Variants in CCND2 observed in about 807,000 individuals in gnomAD.
CCND2 encodes cyclin D2.
In CCND2, 6 loss-of-function variants were observed where a neutral mutation model predicts 30.2. That is an observed-to-expected ratio of 0.20 (90% CI 0.11 to 0.39). The LOEUF (loss-of-function observed/expected upper bound fraction) is 0.39. CCND2 is among the 10% of genes least tolerant of loss of function. The probability of loss-of-function intolerance (pLI) is 1.00; values close to 1 mark genes in which losing one functional copy is unlikely to be tolerated. For synonymous variants in CCND2, 150 were observed against 153.1 expected (o/e 0.98, Z 0.15); for missense variants, 235 against 373.4 (o/e 0.63, Z 3.06).
chr12:4,281,969 G>A (rs1863954071), intron 3 of CCND2, among the ~76,000 whole-genome samples: 1 of 151,840 alleles, frequency 6.6e-6, no homozygotes, highest in Admixed American at 6.6e-5. Flanking sequence ...TTGGGCGGGG[G>A]ATCTTCCTGA....
In CCND2 at chr12:4,299,748, C is replaced by T; in HGVS notation, c.721-112C>T. The stretch of plus-strand genomic sequence containing the variant: ...TCCCTCCTTTACTTCACATTTATTT[C>T]TACTGGAAACTAGCACAGACTTATG... On this transcript the variant is annotated intron_variant, in intron 4 of 4. Transcript: ENST00000261254. The surrounding 1 kb of genome is among the most constrained non-coding windows in gnomAD (Gnocchi z 5.2). 1 of 1,057,510 alleles carries T rather than the reference C, an allele frequency of 9.5e-7. No homozygotes were observed. Among genetic ancestry groups the T allele is most frequent in the East Asian group, 2.4e-5 (1 of 40,834 alleles). 65.5% of individuals were successfully genotyped at this position (1,057,510 alleles called of 1,614,324 possible).
rs1864009269 is a variant in CCND2, at chr12:4,285,403, A to C, written c.572-3439A>C. The stretch of plus-strand genomic sequence containing the variant: ...TATTGCTTGTTGGCATTTTTGATCA[A>C]GAGACTTAACAGACTGCTGAGAAAT... On this transcript the variant is annotated intron_variant, in intron 3 of 4. Coordinates refer to ENST00000261254, the MANE Select transcript of CCND2 (RefSeq NM_001759.4). This position sits in a 1 kb window ranked among gnomAD's most constrained non-coding sequence, Gnocchi z 4.1. The C allele has an allele frequency of 1.0e-6, 1 of 985,326 alleles. No individual in the cohort carries two copies. The highest frequency in any genetic ancestry group is 1.7e-5 in the African/African-American group (1 of 57,242). The allele number at this position is 985,326 out of a possible 1,614,324, so 61.0% of individuals were successfully genotyped here.
At position 4,274,239 on chromosome 12, in the gene CCND2, G is replaced by A. The variant is rs1863828389; in HGVS notation, c.195+4G>A. ...GGTGGCCACCTGGATGCTGGAGGTA[G>A]GTCGGGGGGTGGCGCTCGCCAGGAG... On this transcript the variant is annotated splice_donor_region_variant and intron_variant, in intron 1 of 4. Transcript: ENST00000261254. This position sits in a 1 kb window ranked among gnomAD's most constrained non-coding sequence, Gnocchi z 7.7. The A allele has an allele frequency of 1.2e-6, 2 of 1,613,408 alleles. No individual in the cohort carries two copies. The highest frequency in any genetic ancestry group is 1.3e-5 in the African/African-American group (1 of 75,052).
rs1423117437 is a variant in CCND2 at position 4,287,583 on chromosome 12, A to G, written c.572-1259A>G. Among the ~76,000 whole-genome samples, 1 of 152,202 alleles carries G rather than the reference A, an allele frequency of 6.6e-6. No individual in the cohort carries two copies. The highest frequency in any genetic ancestry group is 6.5e-5 in the Admixed American group (1 of 15,286). The stretch of plus-strand genomic sequence containing the variant: ...GCACTCCAGGACCGTCACTAGCGTG[A>G]TGGCTGCAACTATACCCACCCTAAT... On this transcript the variant is annotated intron_variant, in intron 3 of 4. Transcript: ENST00000261254. This position sits in a 1 kb window ranked among gnomAD's most constrained non-coding sequence, Gnocchi z 4.0.
chr12:4,280,549 C>T (rs1591645457), intron 3 of CCND2, among the ~76,000 whole-genome samples: 1 of 152,168 alleles, frequency 6.6e-6, no homozygotes, highest in Admixed American at 6.5e-5. Context: ...TGGACCCCTG[C>T]TGCCTTTTGG....
chr12:4,297,590 A>C (rs1228044763), intron 4 of CCND2, among the ~76,000 whole-genome samples: 1 of 150,822 alleles, frequency 6.6e-6, no homozygotes, highest in Non-Finnish European at 1.5e-5. Context: ...AAAAAAAAAA[A>C]AAAAAAACAG....
intron 3 of CCND2, among the ~76,000 whole-genome samples, chr12:4,286,729 G>A (rs573602342): frequency 6.6e-6 from 1 of 152,254 alleles, no homozygotes; most frequent in Non-Finnish European, 1.5e-5. Flanking sequence ...CGGTGCACCT[G>A]TTCCCCCTAT....
intron 4 of CCND2, among the ~76,000 whole-genome samples, chr12:4,294,899 G>C (rs1239701060): frequency 6.6e-6 from 1 of 152,190 alleles, no homozygotes; most frequent in Non-Finnish European, 1.5e-5. Context: ...TGGATTTAAG[G>C]TGGAGGTCTT....
At chr12:4,291,748 C>T (rs945290013) in intron 4 of CCND2, among the ~76,000 whole-genome samples, 2 of 152,172 alleles carry the variant, frequency 1.3e-5, no homozygotes, top group East Asian at 1.9e-4. Flanking sequence ...TGTATGGGCA[C>T]GCAATGGAAT....
chr12:4,274,278 G>C lies in CCND2; in HGVS notation c.195+43G>C, dbSNP rs750498163. ...GCTCGCCAGGAGCCAGGACCCCTCC[G>C]GATGCTCGGGTCCCCGGCCGGAGCC... On this transcript the variant is annotated intron_variant, in intron 1 of 4. Coordinates refer to ENST00000261254, the MANE Select transcript of CCND2 (RefSeq NM_001759.4). The surrounding 1 kb of genome is among the most constrained non-coding windows in gnomAD (Gnocchi z 7.7). 1 of 1,592,822 alleles carries C rather than the reference G, an allele frequency of 6.3e-7. No individual in the cohort carries two copies.
At chr12:4,277,871 G>A (rs112937086) in intron 2 of CCND2, among the ~76,000 whole-genome samples, 12 of 152,356 alleles carry the variant, frequency 7.9e-5, no homozygotes, top group East Asian at 1.9e-4. Context: ...TAGCACATAC[G>A]ATATTTTTAA....
intron 3 of CCND2, among the ~76,000 whole-genome samples, chr12:4,283,702 C>A (rs968588908): frequency 2.0e-4 from 30 of 152,222 alleles, no homozygotes; most frequent in African/African-American, 7.0e-4. Context: ...AAGGTGTGTC[C>A]TTTGCCTCCA....
chr12:4,277,321 G>T (rs1386607270), intron 2 of CCND2, among the ~76,000 whole-genome samples: 1 of 152,232 alleles, frequency 6.6e-6, no homozygotes, highest in African/African-American at 2.4e-5. Context: ...ATTACCCTGT[G>T]AAGAGGAAGG....
At position 4,273,897 on chromosome 12, in the gene CCND2, C is replaced by A. The variant is rs1353351494; in HGVS notation, c.-144C>A. On this transcript the variant is annotated 5_prime_UTR_variant, in exon 1 of 5. Coordinates refer to ENST00000261254, the MANE Select transcript of CCND2 (RefSeq NM_001759.4). This position sits in a 1 kb window ranked among gnomAD's most constrained non-coding sequence, Gnocchi z 5.9. The stretch of plus-strand genomic sequence containing the variant: ...TTCTGCTCCACCTTCTCTCTCTGCC[C>A]TCACCTCTCCCCCGAAAACCCCCTA... The A allele has an allele frequency of 1.3e-6, 1 of 764,086 alleles. No homozygotes were observed. Among genetic ancestry groups the A allele is most frequent in the Non-Finnish European group, 2.1e-6 (1 of 482,966 alleles). 47.3% of individuals were successfully genotyped at this position (764,086 alleles called of 1,614,324 possible). A position where few individuals can be genotyped will look rare whatever the true frequency, so the allele number is the denominator to read the frequency against.
intron 2 of CCND2, among the ~76,000 whole-genome samples, chr12:4,278,410 T>C (rs577962362): frequency 3.3e-5 from 5 of 152,270 alleles, no homozygotes; most frequent in African/African-American, 9.6e-5. Context: ...CCGTATCTCA[T>C]TGTAGGTTCA....
chr12:4,294,600 A>T (rs982891659), intron 4 of CCND2, among the ~76,000 whole-genome samples: 1 of 152,032 alleles, frequency 6.6e-6, no homozygotes, highest in African/African-American at 2.4e-5. Flanking sequence ...TAGAGCTTAG[A>T]AGTCAAGGTA....
rs1863881934 is a variant in CCND2 at position 4,276,924 on chromosome 12, C to G, written c.411+704C>G. ...TAAGACGACCATATTGCAGCTGTAC[C>G]GCATGGAATAGCGGCTCCAAGGCCC... On this transcript the variant is annotated intron_variant, in intron 2 of 4. Coordinates refer to ENST00000261254, the MANE Select transcript of CCND2 (RefSeq NM_001759.4). This position sits in a 1 kb window ranked among gnomAD's most constrained non-coding sequence, Gnocchi z 4.8. 6.6e-6 allele frequency among the ~76,000 whole-genome samples: 1 copy of G among 152,222 alleles called. No individual in the cohort carries two copies. The highest frequency in any genetic ancestry group is 2.1e-4 in the South Asian group (1 of 4,832).
rs1050491679 is a variant in CCND2, at chr12:4,299,381, T to G, written c.721-479T>G. 6.6e-6 allele frequency among the ~76,000 whole-genome samples: 1 copy of G among 152,182 alleles called. No homozygotes were observed. The highest frequency in any genetic ancestry group is 1.5e-5 in the Non-Finnish European group (1 of 68,020). On this transcript the variant is annotated intron_variant, in intron 4 of 4. Transcript: ENST00000261254. This position sits in a 1 kb window ranked among gnomAD's most constrained non-coding sequence, Gnocchi z 5.2. ...TATTTACAGTTTATGTGAGGGTCAG[T>G]ACGTTGGTTCATTGGCTTCCTTCTT...
In CCND2 at chr12:4,287,888, C is replaced by G. The variant is rs569670560; in HGVS notation, c.572-954C>G. Reference sequence around the variant, plus strand: ...CTCGGAGGAACACAAGGGGGCTGGTCTTCCAAGAGGAGCCCTCTAGCATGG... The same window carrying G: ...CTCGGAGGAACACAAGGGGGCTGGTGTTCCAAGAGGAGCCCTCTAGCATGG... On this transcript the variant is annotated intron_variant, in intron 3 of 4. Coordinates refer to ENST00000261254, the MANE Select transcript of CCND2 (RefSeq NM_001759.4). The surrounding 1 kb of genome is among the most constrained non-coding windows in gnomAD (Gnocchi z 4.0). Among the ~76,000 whole-genome samples the G allele has an allele frequency of 1.3e-3, 199 of 152,324 alleles. No homozygotes were observed. The highest frequency in any genetic ancestry group is 4.7e-3 in the African/African-American group (197 of 41,570).
Sources: gnomAD v4.1 joint callset for allele counts (sites outside exome capture counted in the v4.1 genomes callset) on GRCh38, gnomAD v4.1.1 for gene constraint, Gnocchi (gnomAD v3.1) non-coding constraint, MANE v1.5 for transcripts, NCBI Gene and HGNC (gene_info 2026-07-23, HGNC 2026-07-21) for gene names.